Variants in KCNK1 observed in about 807,000 individuals in gnomAD.
The protein encoded by KCNK1 is potassium two pore domain channel subfamily K member 1.
In KCNK1, 10 loss-of-function variants were observed where a neutral mutation model predicts 22.2. That is an observed-to-expected ratio of 0.45 (90% CI 0.28 to 0.76). The LOEUF (loss-of-function observed/expected upper bound fraction) is 0.76, where lower values mean the gene tolerates loss of function less well. Ranked by LOEUF, KCNK1 falls within the 30% of genes least tolerant of loss-of-function variation. KCNK1 has a pLI of 0.14. For synonymous variants in KCNK1, 200 were observed against 186.4 expected, an observed-to-expected ratio of 1.07 and a Z score of -0.60; for missense variants, 378 against 421.0, an observed-to-expected ratio of 0.90 and a Z score of 0.89.
chr1:233,622,363 C>T (rs753477994), intron 1 of KCNK1, among the ~76,000 whole-genome samples: 7 of 152,280 alleles, frequency 4.6e-5, no homozygotes, highest in East Asian at 1.9e-4. Context: ...TTGACAAATC[C>T]GTGAAATACT....
rs1287267544 is a variant in KCNK1, at chr1:233,614,327, G to A, written c.156G>A (p.Leu52=). The A allele has an allele frequency of 1.9e-6, 3 of 1,611,958 alleles. No individual in the cohort carries two copies. Among genetic ancestry groups the A allele is most frequent in the Non-Finnish European group, 2.5e-6 (3 of 1,179,212 alleles). ...TGGAGCTGCCCTATGAGGACCTGCTGCGCCAGGAGCTGCGCAAGCTGAAGC... is the reference window on the plus strand; with the variant it reads ...TGGAGCTGCCCTATGAGGACCTGCTACGCCAGGAGCTGCGCAAGCTGAAGC... ...SSVELPYEDL[L]RQELRKLKRR... is the part of the protein sequence containing the mutation. The change falls in exon 1 of 3, where the codon CTG becomes CTA. Residue 52 remains leucine (L), a synonymous_variant. Transcript: ENST00000366621.
At position 233,672,508 on chromosome 1, in the gene KCNK1, G is replaced by A. The variant is rs1658620717; in HGVS notation, c.*978G>A. 1 of 146,116 alleles carries A rather than the reference G, an allele frequency of 6.8e-6. No homozygotes were observed. Among genetic ancestry groups the A allele is most frequent in the African/African-American group, 2.5e-5 (1 of 40,092 alleles). 9.1% of individuals were successfully genotyped at this position (146,116 alleles called of 1,614,324 possible). On this transcript the variant is annotated 3_prime_UTR_variant, in exon 3 of 3. Coordinates refer to ENST00000366621, the MANE Select transcript of KCNK1 (RefSeq NM_002245.4). Reference sequence around the variant, plus strand: ...CTAAAATAAATAAAAATCACAGCTGGTTGTAATCTTATGCTTTCATATATC... The same window carrying A: ...CTAAAATAAATAAAAATCACAGCTGATTGTAATCTTATGCTTTCATATATC...
intron 1 of KCNK1, among the ~76,000 whole-genome samples, chr1:233,632,353 A>G (rs912844408): frequency 3.3e-5 from 5 of 152,256 alleles, no homozygotes; most frequent in Admixed American, 1.3e-4. Flanking sequence ...GCAAGCAACC[A>G]AATTACTGGA....
At chr1:233,639,948 A>G (rs1336516430) in intron 1 of KCNK1, among the ~76,000 whole-genome samples, 8 of 152,176 alleles carry the variant, frequency 5.3e-5, no homozygotes, top group Admixed American at 2.6e-4. Flanking sequence ...TGGGACATAT[A>G]GAAAAGAAGC....
In KCNK1 at chr1:233,624,497, C is replaced by T. The variant is rs142592277; in HGVS notation, c.355+9971C>T. On this transcript the variant is annotated intron_variant, in intron 1 of 2. Transcript: ENST00000366621. ...GTCTTCACCTGGCCTCACCTGGCAC[C>T]TGGTTCCCATAGCACCTCTCTTGGC... is the stretch of plus-strand genomic sequence containing the variant. Among the ~76,000 whole-genome samples the T allele has an allele frequency of 5.4e-3, 819 of 152,288 alleles. 2 individuals are homozygous for T. The highest frequency in any genetic ancestry group is 0.014 in the Middle Eastern group (4 of 294).
At chr1:233,620,691 G>A (rs1657571627) in intron 1 of KCNK1, among the ~76,000 whole-genome samples, 1 of 152,180 alleles carries the variant, frequency 6.6e-6, no homozygotes, top group African/African-American at 2.4e-5. Context: ...TGTATTCACA[G>A]GTCTTGATTT....
intron 1 of KCNK1, among the ~76,000 whole-genome samples, chr1:233,654,908 G>A (rs970899048): frequency 6.6e-6 from 1 of 152,212 alleles, no homozygotes; most frequent in Non-Finnish European, 1.5e-5. Flanking sequence ...CAGCTCCAAT[G>A]TGCAAAAGCT....
At chr1:233,653,041 C>T (rs971552193) in intron 1 of KCNK1, among the ~76,000 whole-genome samples, 1 of 152,224 alleles carries the variant, frequency 6.6e-6, no homozygotes, top group African/African-American at 2.4e-5. Flanking sequence ...CCTTCTTTAT[C>T]AGGCTTTCAC....
chr1:233,634,788 A>G (rs1428062674), intron 1 of KCNK1, among the ~76,000 whole-genome samples: 1 of 152,262 alleles, frequency 6.6e-6, no homozygotes, highest in African/African-American at 2.4e-5. Context: ...AGCTGAAGGA[A>G]AAGCAAGATC....
At chr1:233,645,485 A>G (rs1353362408) in intron 1 of KCNK1, among the ~76,000 whole-genome samples, 2 of 152,200 alleles carry the variant, frequency 1.3e-5, no homozygotes, top group Admixed American at 1.3e-4. Flanking sequence ...AGACAGAGGC[A>G]GAGATTGGAG....
At chr1:233,662,100 A>G (rs1395576822) in intron 1 of KCNK1, among the ~76,000 whole-genome samples, 1 of 152,214 alleles carries the variant, frequency 6.6e-6, no homozygotes, top group Non-Finnish European at 1.5e-5. Context: ...GAGATAATTA[A>G]TAAGCTGAAG....
chr1:233,614,607 C>G (rs1236867155), intron 1 of KCNK1, 81 bp downstream of exon 1: 1 of 1,108,428 alleles, frequency 9.0e-7, no homozygotes, highest in Non-Finnish European at 1.3e-6. Flanking sequence ...GCCCCGGGCC[C>G]CTCTAACCCT....
chr1:233,643,089 C>T (rs1025965022), intron 1 of KCNK1, among the ~76,000 whole-genome samples: 5 of 151,780 alleles, frequency 3.3e-5, no homozygotes, highest in African/African-American at 7.3e-5. Flanking sequence ...CCTCTTGGTG[C>T]CATTTTAATG....
At chr1:233,667,760 T>C (rs938480880) in intron 2 of KCNK1, among the ~76,000 whole-genome samples, 2 of 144,542 alleles carry the variant, frequency 1.4e-5, no homozygotes, top group African/African-American at 5.1e-5. Context: ...AAATACATCA[T>C]ACAGAATGTA....
At chr1:233,654,721 T>G (rs1166526236) in intron 1 of KCNK1, among the ~76,000 whole-genome samples, 2 of 152,150 alleles carry the variant, frequency 1.3e-5, no homozygotes, top group Non-Finnish European at 2.9e-5. Context: ...GAGACTTGTC[T>G]GAGTAACATA....
chr1:233,637,276 G>A (rs1215623568), intron 1 of KCNK1: 2 of 151,688 alleles, frequency 1.3e-5, no homozygotes, highest in South Asian at 2.1e-4. Context: ...ACTGGGCTGT[G>A]TTTTTGAGCA....
At chr1:233,651,276 C>T (rs149561607) in intron 1 of KCNK1, among the ~76,000 whole-genome samples, 3 of 152,208 alleles carry the variant, frequency 2.0e-5, no homozygotes, top group East Asian at 1.9e-4. Flanking sequence ...GCCTACAGCA[C>T]GAATTTAAAA....
At chr1:233,656,252 G>A (rs1244193154) in intron 1 of KCNK1, among the ~76,000 whole-genome samples, 1 of 152,214 alleles carries the variant, frequency 6.6e-6, no homozygotes, top group African/African-American at 2.4e-5. Context: ...GAAGAACAAA[G>A]AGAAGGTTAG....
chr1:233,657,219 C>A (rs1220603513), intron 1 of KCNK1, among the ~76,000 whole-genome samples: 1 of 152,178 alleles, frequency 6.6e-6, no homozygotes. Context: ...GCTGCTTTCT[C>A]ATCGCTTTTT....
Sources: gnomAD v4.1 joint callset for allele counts (sites outside exome capture counted in the v4.1 genomes callset) on GRCh38, gnomAD v4.1.1 for gene constraint, MANE v1.5 for transcripts, NCBI Gene and HGNC (gene_info 2026-07-23, HGNC 2026-07-21) for gene names.